NRG3: variants seen among roughly 807,000 people sequenced by gnomAD.
NRG3 encodes the protein neuregulin 3.
NRG3 carries 31 observed loss-of-function variants against 66.9 expected under a neutral mutation model. The ratio of observed to expected loss-of-function variants is 0.46; its 90% CI spans 0.35 to 0.63. The LOEUF is 0.63. NRG3 is among the 20% of genes least tolerant of loss of function. NRG3 has a pLI of 0.00. For missense variants in NRG3, 910 were observed against 878.9 expected (o/e 1.04, Z -0.45); for synonymous variants, 393 against 359.4 (o/e 1.09, Z -1.06).
chr10:82,909,153 G>A (rs1287690967), intron 4 of NRG3, among the ~76,000 whole-genome samples: 1 of 152,216 alleles, frequency 6.6e-6, no homozygotes, highest in Non-Finnish European at 1.5e-5. Flanking sequence ...TTCACCTGCT[G>A]TATCTGTTAA....
chr10:82,633,177 A>G (rs1327951613), intron 2 of NRG3, among the ~76,000 whole-genome samples: 1 of 152,234 alleles, frequency 6.6e-6, no homozygotes, highest in African/African-American at 2.4e-5. Flanking sequence ...GAAATCGTCC[A>G]GAAGACTTTT....
chr10:82,588,659 C>T (rs1000547436), intron 2 of NRG3, among the ~76,000 whole-genome samples: 14 of 152,150 alleles, frequency 9.2e-5, no homozygotes, highest in African/African-American at 2.2e-4. Flanking sequence ...CCCAACACCA[C>T]GCCCAGCTAA....
At chr10:82,732,464 G>T (rs1313376201) in intron 2 of NRG3, among the ~76,000 whole-genome samples, 2 of 152,080 alleles carry the variant, frequency 1.3e-5, no homozygotes, top group Non-Finnish European at 1.5e-5. Flanking sequence ...ATGCCAGAAG[G>T]TACCACAGAT....
At chr10:82,400,476 G>A (rs2136047829) in intron 2 of NRG3, among the ~76,000 whole-genome samples, 2 of 152,204 alleles carry the variant, frequency 1.3e-5, no homozygotes, top group Middle Eastern at 6.8e-3. Flanking sequence ...TTTTTAACAA[G>A]CTTCAGATGA....
chr10:82,544,715 G>T (rs1021338528), intron 2 of NRG3, among the ~76,000 whole-genome samples: 1 of 152,064 alleles, frequency 6.6e-6, no homozygotes. Context: ...CATACTTAGC[G>T]CACCTAGGAG....
intron 2 of NRG3, among the ~76,000 whole-genome samples, chr10:82,629,950 C>A (rs528465006): frequency 3.3e-5 from 5 of 152,060 alleles, no homozygotes; most frequent in African/African-American, 1.2e-4. Flanking sequence ...AAGCAGATGT[C>A]CCAATGAAGA....
rs371700045 is a variant in NRG3, at chr10:82,212,199, A to G, written c.824-146540A>G. Among the ~76,000 whole-genome samples, 21 of 152,272 alleles carry G rather than the reference A, an allele frequency of 1.4e-4. 1 individual carries two copies. Among genetic ancestry groups the G allele is most frequent in the East Asian group, 1.2e-3 (6 of 5,166 alleles). ...AAAACAGCAATTTCACATGGTTCAAACTAATAAATGCTCTTGAGACTTGTT... is the reference window on the plus strand; with the variant it reads ...AAAACAGCAATTTCACATGGTTCAAGCTAATAAATGCTCTTGAGACTTGTT... On this transcript the variant is annotated intron_variant, in intron 1 of 8. Transcript: ENST00000372141.
intron 1 of NRG3, among the ~76,000 whole-genome samples, chr10:82,288,697 A>T (rs1463844335): frequency 6.6e-6 from 1 of 152,234 alleles, no homozygotes; most frequent in Non-Finnish European, 1.5e-5. Flanking sequence ...TGATGCTGTC[A>T]CAAATGCAAT....
At chr10:82,673,332 T>C (rs180787059) in intron 2 of NRG3, among the ~76,000 whole-genome samples, 1 of 152,212 alleles carries the variant, frequency 6.6e-6, no homozygotes, top group African/African-American at 2.4e-5. Context: ...TTTGTTTCAA[T>C]GGTAAATAGT....
chr10:82,379,289 AT>A (rs1275501184), intron 2 of NRG3, among the ~76,000 whole-genome samples: 1 of 151,984 alleles, frequency 6.6e-6, no homozygotes, highest in Non-Finnish European at 1.5e-5. Flanking sequence ...CCCCTTTTAC[AT>A]TTTCATTGCC....
At chr10:82,151,923 A>G (rs895335131) in intron 1 of NRG3, among the ~76,000 whole-genome samples, 1 of 152,204 alleles carries the variant, frequency 6.6e-6, no homozygotes, top group African/African-American at 2.4e-5. Flanking sequence ...TATAAGGGGA[A>G]TTGTAATAGT....
intron 1 of NRG3, among the ~76,000 whole-genome samples, chr10:82,014,003 A>G (rs996801763): frequency 3.9e-5 from 6 of 152,190 alleles, no homozygotes; most frequent in Non-Finnish European, 8.8e-5. Flanking sequence ...TGCTGAGAGT[A>G]GAAGCGTTTG....
At chr10:82,055,188 G>GA (rs1381078203) in intron 1 of NRG3, among the ~76,000 whole-genome samples, 1 of 151,892 alleles carries the variant, frequency 6.6e-6, no homozygotes, top group African/African-American at 2.4e-5. Flanking sequence ...GATGAAAAAA[G>GA]AAAAAAGAAG....
intron 4 of NRG3, among the ~76,000 whole-genome samples, chr10:82,932,170 C>T (rs533558226): frequency 1.4e-4 from 21 of 152,224 alleles, no homozygotes; most frequent in Middle Eastern, 3.4e-3. Context: ...GTGGCCAGTA[C>T]TTTGTTTTCC....
rs148645874 is a variant in NRG3, at chr10:82,885,251, G to A, written c.1054+19814G>A. Reference sequence around the variant, plus strand: ...ACACAATGAGTTTTCTAACACAATTGTGACAATAGAAGGCAAAAGCATGAT... The same window carrying A: ...ACACAATGAGTTTTCTAACACAATTATGACAATAGAAGGCAAAAGCATGAT... On this transcript the variant is annotated intron_variant, in intron 4 of 8. Coordinates refer to ENST00000372141, the MANE Select transcript of NRG3 (RefSeq NM_001010848.4). 1.8e-3 allele frequency among the ~76,000 whole-genome samples: 277 copies of A among 152,232 alleles called. 1 individual carries two copies. The highest frequency in any genetic ancestry group is 3.0e-3 in the Non-Finnish European group (205 of 68,006).
rs867939919 is a variant in NRG3, at chr10:82,398,528, A to T, written c.953+39660A>T. Among the ~76,000 whole-genome samples the T allele has an allele frequency of 2.1e-3, 284 of 134,962 alleles. 1 individual carries two copies. Among genetic ancestry groups the T allele is most frequent in the East Asian group, 3.9e-3 (19 of 4,912 alleles). 88.5% of individuals were successfully genotyped at this position (134,962 alleles called of 152,430 possible). A position where few individuals can be genotyped will look rare whatever the true frequency, so the allele number is the denominator to read the frequency against. ...GTGTGTGTGTGTGTGTGTGTGTGTG[A>T]GAGAGAGAGAGAGAGAGTATGAGTG... On this transcript the variant is annotated intron_variant, in intron 2 of 8. Coordinates refer to ENST00000372141, the MANE Select transcript of NRG3 (RefSeq NM_001010848.4).
chr10:82,435,779 C>CTTTTTTTTTTTT (rs1158502018), intron 2 of NRG3, among the ~76,000 whole-genome samples: 22 of 108,276 alleles, frequency 2.0e-4, no homozygotes, highest in East Asian at 5.3e-4. Context: ...CTTTTCTTTT[C>CTTTTTTTTTTTT]TTTTTTTTTT....
At chr10:82,354,037 T>C (rs1012216368) in intron 1 of NRG3, among the ~76,000 whole-genome samples, 3 of 136,600 alleles carry the variant, frequency 2.2e-5, no homozygotes, top group East Asian at 4.2e-4. Flanking sequence ...TTTTTTTTTT[T>C]CCTGTTTTGA....
rs1179250915 is a variant in NRG3, at chr10:82,214,090, TA to T, written c.824-144645del. 2.6e-5 allele frequency among the ~76,000 whole-genome samples: 4 copies of T among 152,208 alleles called. No individual in the cohort carries two copies. In the East Asian group the frequency reaches 7.7e-4, roughly 29 times the overall value. The stretch of plus-strand genomic sequence containing the variant: ...ATTCTGTTCTGACAAAGTGTTTTTT[TA>T]AAAGAAAAGAGGCCAAATATTCACT... On this transcript the variant is annotated intron_variant, in intron 1 of 8. Transcript: ENST00000372141.
Sources: gnomAD v4.1 joint callset for allele counts (sites outside exome capture counted in the v4.1 genomes callset) on GRCh38, gnomAD v4.1.1 for gene constraint, MANE v1.5 for transcripts, NCBI Gene and HGNC (gene_info 2026-07-23, HGNC 2026-07-21) for gene names.